Variants in HEMK2 observed in about 807,000 individuals in gnomAD.
HEMK2 encodes HemK methyltransferase 2, ETF1 glutamine and histone H4 lysine, also known as methyltransferase HEMK2.
the HEMK2 span, among the ~76,000 whole-genome samples, chr21:28,604,370 C>T: frequency 6.6e-6 from 1 of 151,978 alleles, no homozygotes; most frequent in Admixed American, 6.6e-5. Flanking sequence ...ATGTATCAAA[C>T]CTGCACATTG....
the HEMK2 span, among the ~76,000 whole-genome samples, chr21:28,588,790 T>C: frequency 1.9e-4 from 29 of 152,146 alleles, no homozygotes; most frequent in Non-Finnish European, 2.8e-4. Flanking sequence ...GAGACCATCC[T>C]GGCTAACACG....
the HEMK2 span, among the ~76,000 whole-genome samples, chr21:28,815,202 G>C: frequency 1.4e-5 from 2 of 141,934 alleles, no homozygotes; most frequent in East Asian, 4.5e-4. Context: ...GACACAGGAA[G>C]GGGAACATCA....
the HEMK2 span, among the ~76,000 whole-genome samples, chr21:28,680,660 CT>C: frequency 6.6e-6 from 1 of 152,168 alleles, no homozygotes; most frequent in African/African-American, 2.4e-5. Context: ...CAATAAAATA[CT>C]GGCAAACCGA....
the HEMK2 span, among the ~76,000 whole-genome samples, chr21:28,767,323 C>T: frequency 6.6e-6 from 1 of 151,326 alleles, no homozygotes; most frequent in Non-Finnish European, 1.5e-5. Flanking sequence ...CAGACTAATA[C>T]ACCATGTAAC....
At chr21:28,823,029 A>G in the HEMK2 span, among the ~76,000 whole-genome samples, 9 of 152,170 alleles carry the variant, frequency 5.9e-5, no homozygotes, top group Non-Finnish European at 1.3e-4. Context: ...GGCTCAGAAA[A>G]CAAAAGTCAA....
the HEMK2 span, among the ~76,000 whole-genome samples, chr21:28,726,258 C>T: frequency 1.2e-4 from 18 of 152,014 alleles, no homozygotes; most frequent in Admixed American, 1.2e-3. Context: ...AATTACCATA[C>T]TATGTTTTAC....
chr21:28,663,240 A>C, the HEMK2 span, among the ~76,000 whole-genome samples: 1 of 152,226 alleles, frequency 6.6e-6, no homozygotes, highest in Admixed American at 6.5e-5. Flanking sequence ...AAGTCACAGA[A>C]ACAAGTAGGG....
the HEMK2 span, among the ~76,000 whole-genome samples, chr21:28,846,684 A>G: frequency 1.8e-4 from 27 of 152,162 alleles, no homozygotes; most frequent in Admixed American, 1.7e-3. Flanking sequence ...GATTTGGTAT[A>G]TAGGTAAATT....
the HEMK2 span, among the ~76,000 whole-genome samples, chr21:28,836,695 C>G: frequency 2.6e-5 from 4 of 152,122 alleles, no homozygotes; most frequent in Non-Finnish European, 4.4e-5. Context: ...TGTAAATGCT[C>G]CACTTAAAAG....
the HEMK2 span, among the ~76,000 whole-genome samples, chr21:28,740,899 ATACATTACATT>A: frequency 9.3e-5 from 14 of 151,252 alleles, 1 homozygote; most frequent in East Asian, 2.6e-3. Flanking sequence ...ATGTTAATAA[ATACATTACATT>A]TTTGAAAATT....
chr21:28,581,502 T>G, the HEMK2 span, among the ~76,000 whole-genome samples: 4 of 152,128 alleles, frequency 2.6e-5, no homozygotes, highest in East Asian at 5.8e-4. Context: ...CAGCCCACCC[T>G]GGGTTACATA....
chr21:28,791,620 T>C, the HEMK2 span, among the ~76,000 whole-genome samples: 31 of 152,302 alleles, frequency 2.0e-4, no homozygotes, highest in South Asian at 6.4e-3. Context: ...AAATCTCTAC[T>C]AGCATTTTGT....
At chr21:28,657,292 G>A in the HEMK2 span, among the ~76,000 whole-genome samples, 1 of 151,886 alleles carries the variant, frequency 6.6e-6, no homozygotes, top group Non-Finnish European at 1.5e-5. Flanking sequence ...GAAAAAGGAA[G>A]GTCAAAGAAC....
At chr21:28,758,552 A>T in the HEMK2 span, among the ~76,000 whole-genome samples, 1,710 of 152,342 alleles carry the variant, frequency 0.011, 27 homozygotes, top group African/African-American at 0.039. Flanking sequence ...ACAAGAGAGA[A>T]CTATGAAGTT....
chr21:28,655,279 G>A, the HEMK2 span, among the ~76,000 whole-genome samples: 3 of 151,648 alleles, frequency 2.0e-5, no homozygotes, highest in Non-Finnish European at 2.9e-5. Context: ...AATTTGTTTT[G>A]AACAAACTAG....
chr21:28,680,963 CT>C, the HEMK2 span, among the ~76,000 whole-genome samples: 1 of 152,154 alleles, frequency 6.6e-6, no homozygotes, highest in Non-Finnish European at 1.5e-5. Context: ...TGGGCAAAAA[CT>C]GGAAGCAATC....
At chr21:28,735,344 T>C in the HEMK2 span, among the ~76,000 whole-genome samples, 4 of 152,268 alleles carry the variant, frequency 2.6e-5, no homozygotes, top group East Asian at 5.8e-4. Context: ...GGTGAAAATC[T>C]GCTTCCAATC....
the HEMK2 span, among the ~76,000 whole-genome samples, chr21:28,810,792 G>T: frequency 6.6e-6 from 1 of 152,278 alleles, no homozygotes; most frequent in African/African-American, 2.4e-5. Context: ...CAGAGGCGCA[G>T]TTCAGTCTTC....
the HEMK2 span, among the ~76,000 whole-genome samples, chr21:28,841,189 TA>T: frequency 4.1e-4 from 8 of 19,366 alleles, no homozygotes; most frequent in African/African-American, 2.2e-3. Flanking sequence ...ATATATATTA[TA>T]ATATATATAT....
Sources: allele counts gnomAD v4.1 joint callset (sites outside exome capture counted in the v4.1 genomes callset), GRCh38; gene constraint gnomAD v4.1.1; transcripts MANE v1.5; gene names NCBI Gene and HGNC (gene_info 2026-07-23, HGNC 2026-07-21).